The following SRC variants were observed in gnomAD, a reference collection of about 807,000 sequenced individuals.
SRC encodes proto-oncogene tyrosine-protein kinase Src.
Under a neutral mutation model 62.9 loss-of-function variants are expected in SRC, and 13 were observed. The observed-to-expected ratio is 0.21, with a 90% CI of 0.13 to 0.33. SRC has a LOEUF of 0.33. Ranked by LOEUF, SRC falls within the 10% of genes least tolerant of loss-of-function variation. The probability of loss-of-function intolerance (pLI) is 1.00; values close to 1 mark genes in which losing one functional copy is unlikely to be tolerated. For synonymous variants in SRC, 302 were observed against 317.5 expected, an observed-to-expected ratio of 0.95 and a Z score of 0.52; for missense variants, 457 against 737.3, an observed-to-expected ratio of 0.62 and a Z score of 4.40.
intron 4 of SRC, among the ~76,000 whole-genome samples, chr20:37,385,402 G>C (rs1412517547): frequency 2.0e-5 from 3 of 152,150 alleles, no homozygotes; most frequent in African/African-American, 7.2e-5. Flanking sequence ...TGCTGCCCGG[G>C]CCCCAGCGGT....
chr20:37,357,302 C>T (rs2069897565), intron 1 of SRC, among the ~76,000 whole-genome samples: 1 of 152,214 alleles, frequency 6.6e-6, no homozygotes. Flanking sequence ...CTGGCTACAG[C>T]TGCCCTGGCC....
At chr20:37,401,863 G>A in intron 11 of SRC, 185 bp downstream of exon 11, 1 of 496,438 alleles carries the variant, frequency 2.0e-6, no homozygotes, top group East Asian at 3.4e-5. Flanking sequence ...GGTGATTCTG[G>A]GCAGCAGAAG....
chr20:37,381,058 G>A (rs746176946), intron 2 of SRC, among the ~76,000 whole-genome samples: 3 of 152,068 alleles, frequency 2.0e-5, no homozygotes, highest in East Asian at 1.9e-4. Flanking sequence ...AAGGGCGGCC[G>A]GCCAGGATTC....
chr20:37,397,763 G>C lies in SRC; in HGVS notation c.768G>C (p.Gln256His), dbSNP rs147010442. Residue 256 changes from glutamine (Q) to histidine (H), a missense_variant, in exon 9 of 14, where the codon CAG becomes CAC. Gln to His is a conservative substitution (Grantham distance 24). Coordinates refer to ENST00000373578, the MANE Select transcript of SRC (RefSeq NM_198291.3). This position sits in a 1 kb window ranked among gnomAD's most constrained non-coding sequence, Gnocchi z 4.1. ...TVCPTSKPQT[Q>H]GLAKDAWEIP... ...GCCCCACGTCCAAGCCGCAGACTCA[G>C]GGCCTGGCCAAGGATGCCTGGGAGA... 3.1e-6 allele frequency: 5 copies of C among 1,612,146 alleles called. No homozygotes were observed. The highest frequency in any genetic ancestry group is 1.3e-5 in the African/African-American group (1 of 74,922).
At chr20:37,374,448 G>A (rs934472850) in intron 2 of SRC, among the ~76,000 whole-genome samples, 3 of 151,778 alleles carry the variant, frequency 2.0e-5, no homozygotes, top group African/African-American at 7.3e-5. Context: ...ACACATAATT[G>A]ATTTGGGAAT....
intron 6 of SRC, 41 bp from the exon 7 acceptor site, chr20:37,394,133 G>A (rs1212745164): frequency 1.9e-6 from 3 of 1,592,818 alleles, no homozygotes; most frequent in Non-Finnish European, 2.6e-6. Flanking sequence ...GTGGGCAGAA[G>A]CCTGGACAGT....
chr20:37,359,133 G>A (rs1167758534), intron 1 of SRC, among the ~76,000 whole-genome samples: 1 of 152,258 alleles, frequency 6.6e-6, no homozygotes, highest in African/African-American at 2.4e-5. Flanking sequence ...CAGGCAGGTG[G>A]CAGGAGGGCA....
chr20:37,386,032 GCTGTGGCCCCA>G (rs746328956), intron 4 of SRC, 32 bp from the exon 5 acceptor site: 18 of 1,526,554 alleles, frequency 1.2e-5, no homozygotes, highest in Admixed American at 1.7e-5. Context: ...GCCTTCCCTG[GCTGTGGCCCCA>G]CTGTTCTGAC....
chr20:37,379,113 C>A (rs1006318707), intron 2 of SRC, among the ~76,000 whole-genome samples: 2 of 152,086 alleles, frequency 1.3e-5, no homozygotes, highest in African/African-American at 2.4e-5. Context: ...GTTCTTATAG[C>A]AGCAACTCGG....
intron 2 of SRC, among the ~76,000 whole-genome samples, chr20:37,372,154 T>G (rs563992358): frequency 4.6e-5 from 7 of 152,182 alleles, no homozygotes; most frequent in African/African-American, 1.7e-4. Context: ...GGTGCCACCA[T>G]GCCTGACGAT....
intron 1 of SRC, among the ~76,000 whole-genome samples, chr20:37,358,246 G>C (rs990779721): frequency 2.0e-5 from 3 of 152,196 alleles, no homozygotes; most frequent in Non-Finnish European, 4.4e-5. Flanking sequence ...TAAGGATTTT[G>C]ATCGCTGTTG....
chr20:37,402,316 C>T lies in SRC; in HGVS notation c.1117-119C>T. ...ATTTACTGTGAACTGACCTCACTTG[C>T]CTGAAGAAGTGTGGGGAGGGTGGGG... On this transcript the variant is annotated intron_variant, in intron 11 of 13. Transcript: ENST00000373578. The surrounding 1 kb of genome is among the most constrained non-coding windows in gnomAD (Gnocchi z 6.2). The T allele has an allele frequency of 7.8e-7, 1 of 1,275,150 alleles. No individual in the cohort carries two copies. Among genetic ancestry groups the T allele is most frequent in the Non-Finnish European group, 1.1e-6 (1 of 917,944 alleles). 79.0% of individuals were successfully genotyped at this position (1,275,150 alleles called of 1,614,324 possible).
chr20:37,384,550 T>TGGGGGGGGGGGGGGGGGGGGGGGG lies in SRC; in HGVS notation c.250+154_250+155insGGGGGGGGGGGGGGGGGGGGGGGG. ...CTGGGTGACTTGGGTGTCCGGGGGG[T>TGGGGGGGGGGGGGGGGGGGGGGGG]GGGGGGGCGGCCGTACACACTGTGA... On this transcript the variant is annotated intron_variant, in intron 4 of 13. Transcript: ENST00000373578. This position sits in a 1 kb window ranked among gnomAD's most constrained non-coding sequence, Gnocchi z 6.7. 1 of 162,732 alleles carries TGGGGGGGGGGGGGGGGGGGGGGGG rather than the reference T, an allele frequency of 6.1e-6. No individual in the cohort carries two copies. The highest frequency in any genetic ancestry group is 5.8e-5 in the African/African-American group (1 of 17,144). The allele number at this position is 162,732 out of a possible 1,614,324, so 10.1% of individuals were successfully genotyped here.
At chr20:37,353,228 G>A (rs893460491) in intron 1 of SRC, among the ~76,000 whole-genome samples, 2 of 152,024 alleles carry the variant, frequency 1.3e-5, no homozygotes, top group Non-Finnish European at 2.9e-5. Context: ...TCAAATCAGG[G>A]TCATGCCAGG....
At chr20:37,372,169 C>CGTGTGT (rs146413088) in intron 2 of SRC, among the ~76,000 whole-genome samples, 1 of 143,566 alleles carries the variant, frequency 7.0e-6, no homozygotes, top group Non-Finnish European at 1.5e-5. Context: ...GACGATTTTT[C>CGTGTGT]GTGTGTGTGT....
intron 2 of SRC, among the ~76,000 whole-genome samples, chr20:37,368,518 C>CTTTTTTTTTTTTTTGTTTTTTTTTGTTT (rs2070102489): frequency 4.1e-5 from 3 of 73,916 alleles, no homozygotes; most frequent in South Asian, 5.8e-4. Context: ...CCTATATTTT[C>CTTTTTTTTTTTTTTGTTTTTTTTTGTTT]TTTTTTTTTT....
intron 2 of SRC, among the ~76,000 whole-genome samples, chr20:37,368,557 T>TG (rs2070109509): frequency 7.7e-6 from 1 of 130,408 alleles, no homozygotes; most frequent in African/African-American, 3.0e-5. Flanking sequence ...TTTTTTTTTT[T>TG]TGTTTTTTTT....
chr20:37,386,544 G>A (rs1416612879), intron 5 of SRC: 4 of 704,216 alleles, frequency 5.7e-6, no homozygotes, highest in African/African-American at 1.7e-5. Context: ...GCTGCTGTCT[G>A]CATGTGCTTC....
intron 1 of SRC, among the ~76,000 whole-genome samples, chr20:37,352,415 G>T (rs1423350612): frequency 3.9e-5 from 6 of 152,164 alleles, no homozygotes; most frequent in Non-Finnish European, 7.3e-5. Context: ...GGAAGGGAGT[G>T]GGGGGAAGAT....
Sources: gnomAD v4.1 joint callset for allele counts (sites outside exome capture counted in the v4.1 genomes callset) on GRCh38, gnomAD v4.1.1 for gene constraint, Gnocchi (gnomAD v3.1) non-coding constraint, MANE v1.5 for transcripts, NCBI Gene and HGNC (gene_info 2026-07-23, HGNC 2026-07-21) for gene names.